JARID2: variants seen among roughly 807,000 people sequenced by gnomAD.
JARID2 encodes the protein protein Jumonji.
In JARID2, 21 loss-of-function variants were observed where a neutral mutation model predicts 125.6. That is an observed-to-expected ratio of 0.17 (90% CI 0.12 to 0.24). JARID2 has a LOEUF of 0.24. Among genes scored for constraint, JARID2 ranks in the 10% least tolerant of loss-of-function variants. The pLI, the probability that JARID2 is intolerant of heterozygous loss-of-function variation, is 1.00. For synonymous variants in JARID2, 736 were observed against 661.6 expected (o/e 1.11, Z -1.73); for missense variants, 1,303 against 1,639.6 (o/e 0.79, Z 3.55).
chr6:15,470,032 C>G (rs964991688), intron 5 of JARID2, among the ~76,000 whole-genome samples: 7 of 151,966 alleles, frequency 4.6e-5, no homozygotes, highest in African/African-American at 1.7e-4. Context: ...CATAAATTAG[C>G]CGGGCATGGT....
At chr6:15,251,165 T>A (rs1193281334) in intron 1 of JARID2, among the ~76,000 whole-genome samples, 1 of 152,090 alleles carries the variant, frequency 6.6e-6, no homozygotes, top group African/African-American at 2.4e-5. Context: ...GCACCCCCTA[T>A]CATGTCCGGC....
chr6:15,452,928 CAGA>C lies in JARID2; in HGVS notation c.493+756_493+758del, dbSNP rs1382199413. On this transcript the variant is annotated intron_variant, in intron 4 of 17. Coordinates refer to ENST00000341776, the MANE Select transcript of JARID2 (RefSeq NM_004973.4). ...GTGAGGTTATTTGAGAGAAAATGAGCAGAAGGAGAGGGCCTTTGCTATTGGACA... is the reference window on the plus strand; with the variant it reads ...GTGAGGTTATTTGAGAGAAAATGAGCAGGAGAGGGCCTTTGCTATTGGACA... Among the ~76,000 whole-genome samples, 8 of 152,244 alleles carry C rather than the reference CAGA, an allele frequency of 5.3e-5. 2 individuals carry two copies. In the Middle Eastern group the frequency reaches 0.02, roughly 388 times the overall value.
At chr6:15,422,985 C>CTTTTTTTTTTTTTT (rs375223254) in intron 3 of JARID2, among the ~76,000 whole-genome samples, 1 of 125,922 alleles carries the variant, frequency 7.9e-6, no homozygotes, top group Non-Finnish European at 1.6e-5. Context: ...GTAGCCTAGT[C>CTTTTTTTTTTTTTT]TTTTTTTTTT....
intron 1 of JARID2, among the ~76,000 whole-genome samples, chr6:15,251,488 C>T (rs1040640350): frequency 6.6e-6 from 1 of 152,226 alleles, no homozygotes; most frequent in Admixed American, 6.5e-5. Context: ...TTTGTCTACC[C>T]ATCCTGCTTG....
At chr6:15,482,449 A>G (rs1769666203) in intron 5 of JARID2, among the ~76,000 whole-genome samples, 1 of 152,234 alleles carries the variant, frequency 6.6e-6, no homozygotes, top group Non-Finnish European at 1.5e-5. Flanking sequence ...AAAAAATGAC[A>G]CAAACCAGTT....
In JARID2 at chr6:15,452,137, C is replaced by G; in HGVS notation, c.455C>G (p.Pro152Arg). ...ATATCAGACCTCTCTAAAAGGAAGC[C>G]TAAGACAGAAGATTTTCTTACCTTT... ...TQISDLSKRK[P>R]KTEDFLTFLC... The change falls in exon 4 of 18, where the codon CCT (proline) becomes CGT (arginine). Residue 152 changes from proline (P) to arginine (R), a missense_variant. Transcript: ENST00000341776. The G allele has an allele frequency of 6.2e-7, 1 of 1,614,104 alleles. No homozygotes were observed. The highest frequency in any genetic ancestry group is 8.5e-7 in the Non-Finnish European group (1 of 1,180,012).
chr6:15,330,016 T>C (rs1429466848), intron 1 of JARID2, among the ~76,000 whole-genome samples: 3 of 152,250 alleles, frequency 2.0e-5, no homozygotes, highest in African/African-American at 7.2e-5. Flanking sequence ...AAACTTGACA[T>C]TCATTTAAGG....
intron 1 of JARID2, among the ~76,000 whole-genome samples, chr6:15,250,552 G>A (rs1759407097): frequency 6.6e-6 from 1 of 152,160 alleles, no homozygotes; most frequent in South Asian, 2.1e-4. Flanking sequence ...GGACAGTATG[G>A]AAGGAAGACA....
At chr6:15,303,374 T>C (rs777628393) in intron 1 of JARID2, among the ~76,000 whole-genome samples, 7 of 152,258 alleles carry the variant, frequency 4.6e-5, no homozygotes. Flanking sequence ...CCAAGTATGC[T>C]ACTGCTTTGC....
chr6:15,357,990 G>T (rs1489631989), intron 1 of JARID2, among the ~76,000 whole-genome samples: 1 of 152,128 alleles, frequency 6.6e-6, no homozygotes, highest in Non-Finnish European at 1.5e-5. Context: ...ATTGTGCTCT[G>T]CATTCTGACT....
intron 2 of JARID2, among the ~76,000 whole-genome samples, chr6:15,406,100 G>A (rs1765637604): frequency 6.6e-6 from 1 of 152,208 alleles, no homozygotes; most frequent in Non-Finnish European, 1.5e-5. Flanking sequence ...TTGATCACGT[G>A]CAGAATAAAG....
At chr6:15,403,813 C>T (rs1053798686) in intron 2 of JARID2, among the ~76,000 whole-genome samples, 1 of 152,078 alleles carries the variant, frequency 6.6e-6, no homozygotes, top group African/African-American at 2.4e-5. Flanking sequence ...TCTGTTTTTG[C>T]AGGGGTTAAA....
chr6:15,357,123 G>A (rs1327311439), intron 1 of JARID2, among the ~76,000 whole-genome samples: 2 of 152,204 alleles, frequency 1.3e-5, no homozygotes, highest in East Asian at 3.8e-4. Flanking sequence ...TCTAGGGAAC[G>A]AAGCCTTACT....
intron 1 of JARID2, among the ~76,000 whole-genome samples, chr6:15,270,549 C>A (rs536853605): frequency 6.6e-6 from 1 of 152,166 alleles, no homozygotes; most frequent in Non-Finnish European, 1.5e-5. Context: ...GTTATGATTG[C>A]GAGTCATGTC....
In JARID2 at chr6:15,501,260, A is replaced by G. The variant is rs752249423; in HGVS notation, c.2299A>G (p.Arg767Gly). The change falls in exon 8 of 18, where the codon AGG becomes GGG. Residue 767 changes from arginine to glycine, a missense_variant. By Grantham distance (125) the Arg-to-Gly change is moderately radical. Around this residue, in one of 11 missense-constraint regions of JARID2, gnomAD observed 124 missense variants for 131.0 expected, o/e 0.95. Transcript: ENST00000341776. ...TGGGCTCATCCACGGCGTGGCCCCC[A>G]GGAACGGCTTCCGCAGCAAGCTCAA... is the stretch of plus-strand genomic sequence containing the variant. ...KNGLIHGVAPRNGFRSKLKEV... is the reference protein window; with the variant it reads ...KNGLIHGVAPGNGFRSKLKEV... The G allele has an allele frequency of 1.2e-6, 2 of 1,613,678 alleles. No homozygotes were observed. The highest frequency in any genetic ancestry group is 1.7e-6 in the Non-Finnish European group (2 of 1,179,728).
chr6:15,469,115 C>T (rs1008046006), intron 5 of JARID2, among the ~76,000 whole-genome samples: 5 of 152,008 alleles, frequency 3.3e-5, no homozygotes, highest in African/African-American at 1.2e-4. Flanking sequence ...TGGAATTGCA[C>T]ATACATTCTG....
chr6:15,455,208 A>AC (rs1554138975), intron 4 of JARID2, among the ~76,000 whole-genome samples: 3 of 149,906 alleles, frequency 2.0e-5, no homozygotes, highest in African/African-American at 7.3e-5. Flanking sequence ...AAAAAAAAAA[A>AC]CAATGGTGAT....
chr6:15,326,684 A>G (rs1762543853), intron 1 of JARID2, among the ~76,000 whole-genome samples: 3 of 152,196 alleles, frequency 2.0e-5, no homozygotes, highest in Admixed American at 2.0e-4. Context: ...TATTTTTAGT[A>G]GAGACATGGT....
At chr6:15,467,917 G>T (rs1274158843) in intron 4 of JARID2, among the ~76,000 whole-genome samples, 1 of 152,180 alleles carries the variant, frequency 6.6e-6, no homozygotes, top group Non-Finnish European at 1.5e-5. Flanking sequence ...GAGGAGATCG[G>T]TTCCCCCGTT....
Sources: allele counts gnomAD v4.1 joint callset (sites outside exome capture counted in the v4.1 genomes callset), GRCh38; gene constraint gnomAD v4.1.1; regional missense constraint gnomAD v4.1.1; transcripts MANE v1.5; gene names NCBI Gene and HGNC (gene_info 2026-07-23, HGNC 2026-07-21).